Variants in PARN observed in about 807,000 individuals in gnomAD.
PARN encodes the protein poly(A)-specific ribonuclease PARN.
PARN carries 71 observed loss-of-function variants against 102.8 expected under a neutral mutation model. That is an observed-to-expected ratio of 0.69 (90% CI 0.57 to 0.84). The LOEUF (loss-of-function observed/expected upper bound fraction) is 0.84. Ranked by LOEUF, PARN falls within the 40% of genes least tolerant of loss-of-function variation. PARN has a pLI of 0.00. For missense variants in PARN, 782 were observed against 760.9 expected, an observed-to-expected ratio of 1.03 and a Z score of -0.33; for synonymous variants, 261 against 252.9, an observed-to-expected ratio of 1.03 and a Z score of -0.30.
In PARN at chr16:14,627,254, G is replaced by C; in HGVS notation, c.245+15C>G. On this transcript the variant is annotated intron_variant, in intron 4 of 23. Transcript: ENST00000437198. ...CACAAAAACGGAATTCCCAACGTTT[G>C]TTAACACAACCTACTTTGAATCTGT... 5.0e-6 allele frequency: 8 copies of C among 1,589,830 alleles called. No homozygotes were observed. The highest frequency in any genetic ancestry group is 6.9e-6 in the Non-Finnish European group (8 of 1,165,528).
At chr16:14,599,496 A>G (rs1345227758) in intron 12 of PARN, among the ~76,000 whole-genome samples, 3 of 152,218 alleles carry the variant, frequency 2.0e-5, no homozygotes, top group African/African-American at 7.2e-5. Context: ...GTAGCACTAA[A>G]CAAAGACATC....
At chr16:14,533,112 C>G (rs1966440573) in intron 21 of PARN, among the ~76,000 whole-genome samples, 1 of 152,190 alleles carries the variant, frequency 6.6e-6, no homozygotes, top group East Asian at 1.9e-4. Flanking sequence ...CCAGCCTGGG[C>G]ACCATTGAGC....
chr16:14,562,421 G>T (rs1381943025), intron 18 of PARN, among the ~76,000 whole-genome samples: 1 of 147,278 alleles, frequency 6.8e-6, no homozygotes, highest in Non-Finnish European at 1.5e-5. Context: ...GGTCAGAGCG[G>T]GACTCTGTCT....
intron 21 of PARN, among the ~76,000 whole-genome samples, chr16:14,513,645 T>C (rs923923153): frequency 6.6e-6 from 1 of 152,206 alleles, no homozygotes; most frequent in Non-Finnish European, 1.5e-5. Context: ...GCACTGGCCT[T>C]CTGCCACTCC....
At chr16:14,454,594 G>A (rs926657684) in intron 22 of PARN, among the ~76,000 whole-genome samples, 8 of 152,010 alleles carry the variant, frequency 5.3e-5, no homozygotes, top group Non-Finnish European at 1.0e-4. Flanking sequence ...TAAATGTGGT[G>A]TAACATAAGA....
At chr16:14,454,657 G>A (rs1308258721) in intron 22 of PARN, among the ~76,000 whole-genome samples, 3 of 152,006 alleles carry the variant, frequency 2.0e-5, no homozygotes, top group Admixed American at 2.0e-4. Context: ...ACTGTATGTA[G>A]ACAAAGCCTT....
chr16:14,518,622 G>GT (rs1319694090), intron 21 of PARN, among the ~76,000 whole-genome samples: 3 of 151,970 alleles, frequency 2.0e-5, no homozygotes, highest in Non-Finnish European at 4.4e-5. Flanking sequence ...GTATACTTAT[G>GT]TTTTTATGTT....
Position 14,627,316 on chromosome 16 carries a change from T to C in PARN, c.198A>G (p.Leu66=), listed in dbSNP as rs562694645. 4 of 1,590,906 alleles carry C rather than the reference T, an allele frequency of 2.5e-6. No individual in the cohort carries two copies. The highest frequency in any genetic ancestry group is 1.8e-5 in the Admixed American group (1 of 55,936). Residue 66 remains leucine (L), a synonymous_variant, in exon 4 of 24, where the codon CTA becomes CTG. Transcript: ENST00000437198. ...TAAAAGTGCAAAGGCCAAACTGAAATAGCAAAAAGTCCATGGAATGCTGGA... is the reference window on the plus strand; with the variant it reads ...TAAAAGTGCAAAGGCCAAACTGAAACAGCAAAAAGTCCATGGAATGCTGGA... The part of the protein sequence containing the change: ...KLKKHSMDFL[L]FQFGLCTFKY...
rs1160030965 is a variant in PARN at position 14,435,906 on chromosome 16, A to T, written c.*811T>A. 6 of 138,784 alleles carry T rather than the reference A, an allele frequency of 4.3e-5. No homozygotes were observed. The highest frequency in any genetic ancestry group is 8.1e-5 in the Non-Finnish European group (5 of 61,358). The allele number at this position is 138,784 out of a possible 1,614,324, so 8.6% of individuals were successfully genotyped here. On this transcript the variant is annotated 3_prime_UTR_variant, in exon 24 of 24. Coordinates refer to ENST00000437198, the MANE Select transcript of PARN (RefSeq NM_002582.4). The stretch of plus-strand genomic sequence containing the variant: ...TAGATTTGCACGATTTCACACACAC[A>T]CACACACACACACACACACACACAC...
chr16:14,449,534 G>T (rs142964665), intron 22 of PARN, among the ~76,000 whole-genome samples: 187 of 152,256 alleles, frequency 1.2e-3, no homozygotes, highest in Non-Finnish European at 1.5e-4. Flanking sequence ...AACATCTTTT[G>T]CAGGGCAATA....
At chr16:14,461,076 C>A (rs1227167897) in intron 22 of PARN, among the ~76,000 whole-genome samples, 1 of 152,174 alleles carries the variant, frequency 6.6e-6, no homozygotes, top group Non-Finnish European at 1.5e-5. Context: ...AAACCCATAA[C>A]CTTAGTCTAA....
chr16:14,544,517 G>A (rs979309293), intron 21 of PARN, among the ~76,000 whole-genome samples: 2 of 152,220 alleles, frequency 1.3e-5, no homozygotes, highest in Non-Finnish European at 2.9e-5. Context: ...GGAGGTTGCA[G>A]TAAGCTGAGA....
In PARN at chr16:14,599,884, A is replaced by G; in HGVS notation, c.840+20T>C. On this transcript the variant is annotated intron_variant, in intron 12 of 23. Coordinates refer to ENST00000437198, the MANE Select transcript of PARN (RefSeq NM_002582.4). ...AAATAGTATGTTCTGCAATCTTGCT[A>G]AAAAGTCTGGCTCACTTACCGAATT... 6.5e-7 allele frequency: 1 copy of G among 1,542,186 alleles called. No individual in the cohort carries two copies. Among genetic ancestry groups the G allele is most frequent in the Non-Finnish European group, 8.9e-7 (1 of 1,121,486 alleles).
At chr16:14,591,990 A>T (rs984761297) in intron 13 of PARN, 1 of 152,278 alleles carries the variant, frequency 6.6e-6, no homozygotes, top group Non-Finnish European at 1.5e-5. Context: ...GGGAGCCGAG[A>T]TCATGCCACT....
At chr16:14,494,640 G>T (rs555137839) in intron 21 of PARN, among the ~76,000 whole-genome samples, 1 of 152,330 alleles carries the variant, frequency 6.6e-6, no homozygotes, top group African/African-American at 2.4e-5. Flanking sequence ...AGAAGGGCCG[G>T]CGGTGCAGCC....
intron 6 of PARN, 49 bp from the exon 7 acceptor site, chr16:14,610,858 A>G: frequency 7.5e-7 from 1 of 1,339,592 alleles, no homozygotes; most frequent in African/African-American, 1.4e-5. Flanking sequence ...ACTGTCTAAC[A>G]TAAAATTTGT....
In PARN at chr16:14,580,943, C is replaced by T; in HGVS notation, c.1193G>A (p.Gly398Asp). ...AATTTTTGGAGGGCTGAGAAAAGAACCTAATGAAGAAAAGAAGAGAGGTAT... is the reference window on the plus strand; with the variant it reads ...AATTTTTGGAGGGCTGAGAAAAGAATCTAATGAAGAAAAGAAGAGAGGTAT... ...LCFISMANYL[G>D]SFLSPPKIHV... is the part of the protein sequence containing the mutation. Residue 398 changes from glycine (G) to aspartate (D), a missense_variant and splice_region_variant, in exon 18 of 24, where the codon GGT (glycine) becomes GAT (aspartate). Physicochemically the swap from Gly to Asp is moderately conservative, Grantham distance 94. Transcript: ENST00000437198. The T allele has an allele frequency of 6.3e-7, 1 of 1,597,886 alleles. No individual in the cohort carries two copies. The highest frequency in any genetic ancestry group is 1.1e-5 in the South Asian group (1 of 90,584).
At chr16:14,584,499 CAAAA>C in intron 15 of PARN, 77 bp from the exon 16 acceptor site, 1 of 1,179,078 alleles carries the variant, frequency 8.5e-7, no homozygotes, top group Non-Finnish European at 1.2e-6. Context: ...CTGACCCCCC[CAAAA>C]AAAAGACAGC....
In PARN at chr16:14,623,680, T is replaced by A. The variant is rs559482353; in HGVS notation, c.327+3426A>T. On this transcript the variant is annotated intron_variant, in intron 5 of 23. Transcript: ENST00000437198. ...GGTGAAACGCTGTCCCCATTAAAAA[T>A]ACAAAAATTAGCAGGGCGTGGTGGC... 2.0e-5 allele frequency among the ~76,000 whole-genome samples: 3 copies of A among 151,422 alleles called. No homozygotes were observed. In the South Asian group the frequency reaches 6.3e-4, roughly 32 times the overall value.
Sources: allele counts gnomAD v4.1 joint callset (sites outside exome capture counted in the v4.1 genomes callset), GRCh38; gene constraint gnomAD v4.1.1; transcripts MANE v1.5; gene names NCBI Gene and HGNC (gene_info 2026-07-23, HGNC 2026-07-21).